TAFA4: variants seen among roughly 807,000 people sequenced by gnomAD.
TAFA4 encodes the protein chemokine-like protein TAFA-4.
TAFA4 carries 20 observed loss-of-function variants against 21.1 expected under a neutral mutation model. The observed-to-expected ratio is 0.95, with a 90% CI of 0.67 to 1.38. The LOEUF (loss-of-function observed/expected upper bound fraction) is 1.38, where lower values mean the gene tolerates loss of function less well. TAFA4 is among the 40% of genes most tolerant of loss of function. The pLI is 0.00. For synonymous variants in TAFA4, 71 were observed against 67.4 expected, an observed-to-expected ratio of 1.05 and a Z score of -0.26; for missense variants, 211 against 180.9, an observed-to-expected ratio of 1.17 and a Z score of -0.95.
At chr3:68,895,522 G>A (rs1309636626) in intron 1 of TAFA4, among the ~76,000 whole-genome samples, 1 of 152,204 alleles carries the variant, frequency 6.6e-6, no homozygotes, top group Non-Finnish European at 1.5e-5. Context: ...TTAGGTGGGG[G>A]AAGTGGAAGA....
chr3:68,831,123 G>C (rs994120797), intron 3 of TAFA4, among the ~76,000 whole-genome samples: 1 of 152,182 alleles, frequency 6.6e-6, no homozygotes, highest in Admixed American at 6.5e-5. Context: ...GCACACCAAT[G>C]AGTCTTGACT....
chr3:68,853,356 C>T (rs1270113180), intron 3 of TAFA4, among the ~76,000 whole-genome samples: 3 of 151,950 alleles, frequency 2.0e-5, no homozygotes, highest in African/African-American at 7.3e-5. Context: ...CTTCCCTTAC[C>T]TTCAAATCTA....
At chr3:68,889,683 G>C (rs980596371) in intron 1 of TAFA4, among the ~76,000 whole-genome samples, 1 of 152,028 alleles carries the variant, frequency 6.6e-6, no homozygotes, top group Non-Finnish European at 1.5e-5. Context: ...CTTAAACCTG[G>C]ATCTAACTAT....
chr3:68,867,566 C>T (rs1277769717), intron 3 of TAFA4, among the ~76,000 whole-genome samples: 1 of 152,064 alleles, frequency 6.6e-6, no homozygotes, highest in Admixed American at 6.6e-5. Context: ...GTGTAACCCA[C>T]TCATGTCACT....
chr3:68,854,894 A>G (rs1384243629), intron 3 of TAFA4, among the ~76,000 whole-genome samples: 1 of 152,052 alleles, frequency 6.6e-6, no homozygotes, highest in African/African-American at 2.4e-5. Context: ...ATCAATCACA[A>G]CTTCCCAACA....
intron 1 of TAFA4, among the ~76,000 whole-genome samples, chr3:68,886,641 G>T (rs776039876): frequency 1.3e-5 from 2 of 152,086 alleles, no homozygotes; most frequent in Non-Finnish European, 2.9e-5. Flanking sequence ...GGAAAGTAAT[G>T]CGACCTAATA....
chr3:68,823,320 T>G (rs1704152705), intron 3 of TAFA4, among the ~76,000 whole-genome samples: 1 of 152,232 alleles, frequency 6.6e-6, no homozygotes, highest in Non-Finnish European at 1.5e-5. Flanking sequence ...CACAAACTTG[T>G]CATCAAAAGA....
intron 3 of TAFA4, among the ~76,000 whole-genome samples, chr3:68,846,021 T>C (rs1489072390): frequency 6.6e-6 from 1 of 152,156 alleles, no homozygotes; most frequent in Non-Finnish European, 1.5e-5. Flanking sequence ...AGGAGTATCT[T>C]TGTGGTGTTC....
At chr3:68,805,659 C>T (rs1057161791) in intron 3 of TAFA4, among the ~76,000 whole-genome samples, 1 of 152,106 alleles carries the variant, frequency 6.6e-6, no homozygotes, top group African/African-American at 2.4e-5. Context: ...TTTATAGGGA[C>T]ATGGATGAAA....
intron 3 of TAFA4, among the ~76,000 whole-genome samples, chr3:68,843,236 C>T (rs531816934): frequency 1.9e-4 from 29 of 152,206 alleles, no homozygotes; most frequent in East Asian, 7.7e-4. Context: ...CCCATGAGGA[C>T]GTCCTTCACA....
At chr3:68,810,925 TA>T (rs1432091421) in intron 3 of TAFA4, among the ~76,000 whole-genome samples, 2 of 152,064 alleles carry the variant, frequency 1.3e-5, no homozygotes, top group African/African-American at 4.8e-5. Context: ...CAACCCCCAG[TA>T]GGGGCAGTCT....
intron 5 of TAFA4, among the ~76,000 whole-genome samples, chr3:68,733,617 A>C (rs1702190464): frequency 6.6e-6 from 1 of 152,136 alleles, no homozygotes; most frequent in African/African-American, 2.4e-5. Context: ...TTATCCATTA[A>C]AAAGGTAGTG....
At chr3:68,919,951 G>C (rs2107020668) in intron 1 of TAFA4, among the ~76,000 whole-genome samples, 1 of 152,222 alleles carries the variant, frequency 6.6e-6, no homozygotes, top group Admixed American at 6.5e-5. Context: ...TTCTACCCTA[G>C]AAAAATGCAA....
At chr3:68,850,730 GT>G (rs111820322) in intron 3 of TAFA4, among the ~76,000 whole-genome samples, 33 of 149,760 alleles carry the variant, frequency 2.2e-4, no homozygotes, top group South Asian at 8.5e-4. Context: ...TTTTAACAGG[GT>G]TTTTTTTTTC....
At chr3:68,852,911 A>G (rs923603319) in intron 3 of TAFA4, among the ~76,000 whole-genome samples, 1 of 152,178 alleles carries the variant, frequency 6.6e-6, no homozygotes, top group Non-Finnish European at 1.5e-5. Context: ...CATCTACCTC[A>G]TCTCATATTC....
chr3:68,887,824 C>A (rs1018956013), intron 1 of TAFA4, among the ~76,000 whole-genome samples: 2 of 152,102 alleles, frequency 1.3e-5, no homozygotes, highest in Non-Finnish European at 2.9e-5. Flanking sequence ...CCTGAAAGAT[C>A]TCTGAAATAT....
At chr3:68,923,194 T>A (rs1218110202) in intron 1 of TAFA4, among the ~76,000 whole-genome samples, 1 of 152,196 alleles carries the variant, frequency 6.6e-6, no homozygotes, top group Non-Finnish European at 1.5e-5. Flanking sequence ...TGTCTTCACA[T>A]CTTGCTATTG....
In TAFA4 at chr3:68,733,023, C is replaced by T; in HGVS notation, c.*119G>A. ...TGCCACCTCTCACAGCTCACATATA[C>T]AAATATGAAGTTGCTGAAATCCTAG... On this transcript the variant is annotated 3_prime_UTR_variant, in exon 6 of 6. Coordinates refer to ENST00000295569, the MANE Select transcript of TAFA4 (RefSeq NM_182522.5). 1 of 1,361,758 alleles carries T rather than the reference C, an allele frequency of 7.3e-7. No homozygotes were observed. The highest frequency in any genetic ancestry group is 2.3e-5 in the East Asian group (1 of 43,224). The allele number at this position is 1,361,758 out of a possible 1,614,324, so 84.4% of individuals were successfully genotyped here. A position where few individuals can be genotyped will look rare whatever the true frequency, so the allele number is the denominator to read the frequency against.
chr3:68,878,240 C>T (rs1390550396), intron 3 of TAFA4, among the ~76,000 whole-genome samples: 2 of 152,160 alleles, frequency 1.3e-5, no homozygotes, highest in African/African-American at 4.8e-5. Flanking sequence ...TTAAAGTGAA[C>T]GTATAAATCA....
Sources: allele counts gnomAD v4.1 joint callset (sites outside exome capture counted in the v4.1 genomes callset), GRCh38; gene constraint gnomAD v4.1.1; transcripts MANE v1.5; gene names NCBI Gene and HGNC (gene_info 2026-07-23, HGNC 2026-07-21).